The following LARGE1 variants were observed in gnomAD, a reference collection of about 807,000 sequenced individuals.
The protein encoded by LARGE1 is LARGE xylosyl- and glucuronyltransferase 1, also known as xylosyl- and glucuronyltransferase LARGE1.
LARGE1 carries 43 observed loss-of-function variants against 87.6 expected under a neutral mutation model. The ratio of observed to expected loss-of-function variants is 0.49; its 90% CI spans 0.38 to 0.63. The LOEUF is 0.63. Ranked by LOEUF, LARGE1 falls within the 30% of genes least tolerant of loss-of-function variation. The pLI is 0.00. For synonymous variants in LARGE1, 434 were observed against 394.6 expected, an observed-to-expected ratio of 1.10 and a Z score of -1.18; for missense variants, 802 against 1,000.2, an observed-to-expected ratio of 0.80 and a Z score of 2.67.
chr22:33,072,761 T>C, the LARGE1 span, among the ~76,000 whole-genome samples: 3 of 152,226 alleles, frequency 2.0e-5, no homozygotes, highest in East Asian at 5.8e-4. Context: ...TGACTCTCTC[T>C]CCCAAGTCTA....
intron 6 of LARGE1, among the ~76,000 whole-genome samples, chr22:33,498,553 G>C (rs547595922): frequency 2.6e-5 from 4 of 152,278 alleles, no homozygotes; most frequent in African/African-American, 4.8e-5. Flanking sequence ...AAACACCTAA[G>C]GGTTGGCATA....
chr22:33,637,098 G>T (rs1339434970), intron 3 of LARGE1, among the ~76,000 whole-genome samples: 2 of 152,034 alleles, frequency 1.3e-5, no homozygotes. Context: ...TGAAAGGAAG[G>T]TCTTCAAGGT....
At chr22:33,367,654 T>C (rs2064645031) in intron 9 of LARGE1, among the ~76,000 whole-genome samples, 1 of 152,136 alleles carries the variant, frequency 6.6e-6, no homozygotes, top group African/African-American at 2.4e-5. Context: ...CTTAAACTCC[T>C]GAACTCAAGG....
chr22:33,610,873 T>C (rs1246914886), intron 4 of LARGE1, among the ~76,000 whole-genome samples: 5 of 152,186 alleles, frequency 3.3e-5, no homozygotes, highest in South Asian at 4.1e-4. Flanking sequence ...CTTTGCATTG[T>C]GGCCTCTCCA....
At chr22:33,649,915 T>C (rs1186181072) in intron 3 of LARGE1, among the ~76,000 whole-genome samples, 3 of 152,244 alleles carry the variant, frequency 2.0e-5, no homozygotes, top group Non-Finnish European at 4.4e-5. Context: ...GGAACAAGTC[T>C]GTGGTTCTGA....
the LARGE1 span, among the ~76,000 whole-genome samples, chr22:33,143,495 T>C: frequency 1.3e-5 from 2 of 152,162 alleles, no homozygotes; most frequent in Non-Finnish European, 2.9e-5. Flanking sequence ...GAGGAAAAGC[T>C]CTTTCCATGA....
At chr22:33,529,084 C>T (rs1230243358) in intron 6 of LARGE1, among the ~76,000 whole-genome samples, 1 of 152,216 alleles carries the variant, frequency 6.6e-6, no homozygotes, top group African/African-American at 2.4e-5. Flanking sequence ...ATTATTCTCT[C>T]TTTTGTCCTT....
intron 5 of LARGE1, 98 bp downstream of exon 5, chr22:33,604,337 G>A: frequency 6.7e-7 from 1 of 1,493,624 alleles, no homozygotes; most frequent in Non-Finnish European, 9.3e-7. Context: ...TTTCAGTTAG[G>A]AGCTGAGATT....
At chr22:33,869,221 T>C (rs1219049634) in intron 1 of LARGE1, among the ~76,000 whole-genome samples, 1 of 152,276 alleles carries the variant, frequency 6.6e-6, no homozygotes, top group East Asian at 1.9e-4. Flanking sequence ...TGTCTGTCGG[T>C]TGGCTACTCC....
At chr22:33,456,663 C>T (rs1418057058) in intron 6 of LARGE1, among the ~76,000 whole-genome samples, 1 of 152,190 alleles carries the variant, frequency 6.6e-6, no homozygotes, top group Non-Finnish European at 1.5e-5. Context: ...GATTCTAATT[C>T]CATTCCACTT....
chr22:33,541,838 C>T (rs933069368), intron 6 of LARGE1, among the ~76,000 whole-genome samples: 21 of 151,414 alleles, frequency 1.4e-4, no homozygotes, highest in African/African-American at 5.1e-4. Flanking sequence ...TGGGGTTGAG[C>T]CCCTACTGTA....
intron 9 of LARGE1, among the ~76,000 whole-genome samples, chr22:33,341,108 T>C (rs912075715): frequency 2.0e-5 from 3 of 151,994 alleles, no homozygotes; most frequent in Non-Finnish European, 4.4e-5. Context: ...GGTGATGACA[T>C]TAGGAGGTGG....
chr22:33,175,578 C>T (rs1462048595), intron 11 of LARGE1, among the ~76,000 whole-genome samples: 2 of 151,976 alleles, frequency 1.3e-5, no homozygotes, highest in African/African-American at 4.8e-5. Context: ...GAATAAATTC[C>T]TAGGAATAGA....
intron 6 of LARGE1, among the ~76,000 whole-genome samples, chr22:33,515,134 A>T (rs1039792139): frequency 2.0e-5 from 3 of 151,520 alleles, no homozygotes; most frequent in African/African-American, 7.3e-5. Context: ...AAAAAAAAAT[A>T]AAAAATAAAA....
intron 9 of LARGE1, among the ~76,000 whole-genome samples, chr22:33,349,089 T>C (rs1245762676): frequency 2.0e-5 from 3 of 152,142 alleles, no homozygotes; most frequent in East Asian, 1.9e-4. Context: ...TCTTTTTCTT[T>C]ATAAATCACC....
At chr22:33,515,125 A>T (rs1298923130) in intron 6 of LARGE1, among the ~76,000 whole-genome samples, 2 of 152,058 alleles carry the variant, frequency 1.3e-5, no homozygotes, top group Admixed American at 1.3e-4. Flanking sequence ...AGCTAAAAAA[A>T]AAAAAAATAA....
chr22:33,778,316 GCTTTTT>G (rs1238022250), intron 1 of LARGE1, among the ~76,000 whole-genome samples: 5 of 152,120 alleles, frequency 3.3e-5, no homozygotes, highest in African/African-American at 9.7e-5. Flanking sequence ...AGTGAGACGG[GCTTTTT>G]CTTTTTATTG....
At chr22:33,719,283 A>T (rs1388830421) in intron 2 of LARGE1, among the ~76,000 whole-genome samples, 1 of 152,214 alleles carries the variant, frequency 6.6e-6, no homozygotes, top group Non-Finnish European at 1.5e-5. Context: ...GTTACAGCAA[A>T]CTAATGTAGC....
chr22:33,413,008 T>C (rs542812619), intron 7 of LARGE1, among the ~76,000 whole-genome samples: 4 of 152,352 alleles, frequency 2.6e-5, no homozygotes. Context: ...CCATATTTCC[T>C]AAAAATTTAA....
Sources: allele counts gnomAD v4.1 joint callset (sites outside exome capture counted in the v4.1 genomes callset), GRCh38; gene constraint gnomAD v4.1.1; transcripts MANE v1.5; gene names NCBI Gene and HGNC (gene_info 2026-07-23, HGNC 2026-07-21).